Variants in GRID2 observed in about 807,000 individuals in gnomAD.
GRID2 encodes glutamate receptor ionotropic, delta-2.
In GRID2, 33 loss-of-function variants were observed where a neutral mutation model predicts 114.8. The ratio of observed to expected loss-of-function variants is 0.29; its 90% CI spans 0.22 to 0.38. The LOEUF is 0.38. Ranked by LOEUF, GRID2 falls within the 10% of genes least tolerant of loss-of-function variation. GRID2 has a pLI of 1.00. For synonymous variants in GRID2, 505 were observed against 449.9 expected (o/e 1.12, Z -1.55); for missense variants, 1,184 against 1,257.7 (o/e 0.94, Z 0.89).
chr4:93,555,690 G>A (rs1294683007), intron 13 of GRID2, among the ~76,000 whole-genome samples: 2 of 152,170 alleles, frequency 1.3e-5, no homozygotes, highest in Admixed American at 6.5e-5. Flanking sequence ...TTCAGCAGAC[G>A]TAAATGTTCC....
chr4:93,607,857 G>A (rs1740417849), intron 13 of GRID2, among the ~76,000 whole-genome samples: 1 of 151,638 alleles, frequency 6.6e-6, no homozygotes, highest in Non-Finnish European at 1.5e-5. Flanking sequence ...TTTTTATTTT[G>A]CACACGCTAT....
chr4:93,537,263 A>G (rs1009492101), intron 13 of GRID2, among the ~76,000 whole-genome samples: 4 of 151,634 alleles, frequency 2.6e-5, no homozygotes, highest in Non-Finnish European at 4.4e-5. Context: ...TAGTCTCTCG[A>G]TTTATTATTT....
At chr4:93,451,789 T>G (rs1722710198) in intron 10 of GRID2, among the ~76,000 whole-genome samples, 1 of 152,016 alleles carries the variant, frequency 6.6e-6, no homozygotes, top group African/African-American at 2.4e-5. Flanking sequence ...ATGATAGATT[T>G]GATAGGGGGC....
At chr4:93,442,650 C>A (rs1007021734) in intron 10 of GRID2, among the ~76,000 whole-genome samples, 1 of 151,922 alleles carries the variant, frequency 6.6e-6, no homozygotes, top group Non-Finnish European at 1.5e-5. Flanking sequence ...AAGAGATCAA[C>A]ACATATCCAC....
intron 4 of GRID2, among the ~76,000 whole-genome samples, chr4:93,206,126 A>G (rs929468847): frequency 6.6e-6 from 1 of 152,058 alleles, no homozygotes; most frequent in East Asian, 1.9e-4. Context: ...AGTAGATAAC[A>G]TATCCTCAAT....
At chr4:93,590,927 G>A (rs1451079434) in intron 13 of GRID2, among the ~76,000 whole-genome samples, 3 of 151,308 alleles carry the variant, frequency 2.0e-5, no homozygotes, top group African/African-American at 7.3e-5. Flanking sequence ...CTTTGCTGAA[G>A]TTGCTTATCA....
At chr4:93,577,278 G>C (rs1736513297) in intron 13 of GRID2, among the ~76,000 whole-genome samples, 2 of 152,294 alleles carry the variant, frequency 1.3e-5, no homozygotes, top group African/African-American at 4.8e-5. Context: ...TGTAAGAGGA[G>C]GGGGTGGGCA....
intron 2 of GRID2, among the ~76,000 whole-genome samples, chr4:92,778,563 A>G (rs1738915551): frequency 6.6e-6 from 1 of 152,098 alleles, no homozygotes; most frequent in African/African-American, 2.4e-5. Context: ...TTTAAGAAGA[A>G]TTTTATTCAA....
At chr4:93,776,386 A>AGTC (rs1734370120), downstream of GRID2, among the ~76,000 whole-genome samples, 1 of 152,240 alleles carries the variant, frequency 6.6e-6, no homozygotes, top group Admixed American at 6.5e-5. Context: ...GACACTGAAA[A>AGTC]GTCAGAGAAT....
At chr4:93,197,397 G>C (rs1051449437) in intron 4 of GRID2, among the ~76,000 whole-genome samples, 1 of 152,060 alleles carries the variant, frequency 6.6e-6, no homozygotes, top group Non-Finnish European at 1.5e-5. Context: ...CATAGTTGTA[G>C]TGTTTGCATG....
chr4:93,119,898 G>T (rs1023670703), intron 4 of GRID2, among the ~76,000 whole-genome samples: 2 of 152,078 alleles, frequency 1.3e-5, no homozygotes, highest in East Asian at 1.9e-4. Flanking sequence ...TTTTGATGGG[G>T]TTGTTTTTTT....
At chr4:92,497,008 T>G (rs1026208857) in intron 1 of GRID2, among the ~76,000 whole-genome samples, 3 of 151,790 alleles carry the variant, frequency 2.0e-5, no homozygotes, top group Non-Finnish European at 4.4e-5. Context: ...CCCCTATTTT[T>G]TACCTTATAT....
chr4:93,265,030 C>T (rs988607754), intron 8 of GRID2, among the ~76,000 whole-genome samples: 1 of 151,736 alleles, frequency 6.6e-6, no homozygotes, highest in African/African-American at 2.4e-5. Flanking sequence ...ATCTGCCCAC[C>T]TCAGCCTCCC....
intron 2 of GRID2, among the ~76,000 whole-genome samples, chr4:92,645,438 G>T (rs1731561056): frequency 6.6e-6 from 1 of 151,686 alleles, no homozygotes. Context: ...GTTTCATTTT[G>T]ATACAGTTAT....
At chr4:93,423,026 C>A in intron 10 of GRID2, 58 bp downstream of exon 10, 1 of 1,178,992 alleles carries the variant, frequency 8.5e-7, no homozygotes, top group Non-Finnish European at 1.3e-6. Flanking sequence ...TTGTCTCATA[C>A]CTAAAGGTTC....
chr4:92,404,703 A>G (rs1560609858), intron 1 of GRID2, among the ~76,000 whole-genome samples: 1 of 152,158 alleles, frequency 6.6e-6, no homozygotes, highest in Non-Finnish European at 1.5e-5. Flanking sequence ...GCAGCCATAA[A>G]AAGGAAACAA....
chr4:93,104,468 C>A (rs1732005976), intron 3 of GRID2, among the ~76,000 whole-genome samples: 2 of 151,938 alleles, frequency 1.3e-5, no homozygotes, highest in East Asian at 1.9e-4. Context: ...TCCCCCCACC[C>A]CACAACAGTC....
At chr4:93,379,973 A>G (rs1763703445) in intron 8 of GRID2, among the ~76,000 whole-genome samples, 1 of 152,118 alleles carries the variant, frequency 6.6e-6, no homozygotes, top group African/African-American at 2.4e-5. Flanking sequence ...AAAGCTTGAC[A>G]CTAAAATGAG....
chr4:93,340,350 A>G (rs1759525470), intron 8 of GRID2, among the ~76,000 whole-genome samples: 1 of 144,210 alleles, frequency 6.9e-6, no homozygotes, highest in Non-Finnish European at 1.5e-5. Context: ...CTTTTTTGTC[A>G]TTCTAGGCTA....
Sources: gnomAD v4.1 joint callset for allele counts (sites outside exome capture counted in the v4.1 genomes callset) on GRCh38, gnomAD v4.1.1 for gene constraint, MANE v1.5 for transcripts, NCBI Gene and HGNC (gene_info 2026-07-23, HGNC 2026-07-21) for gene names.